Variants in TUSC3 observed in about 807,000 individuals in gnomAD.
TUSC3 encodes the protein tumor suppressor candidate 3, also known as dolichyl-diphosphooligosaccharide--protein glycosyltransferase subunit TUSC3.
In TUSC3, 45 loss-of-function variants were observed where a neutral mutation model predicts 44.8. The observed-to-expected ratio is 1.00, with a 90% CI of 0.79 to 1.29. TUSC3 has a LOEUF of 1.29. TUSC3 is among the 50% of genes most tolerant of loss of function. TUSC3 has a pLI of 0.00. For missense variants in TUSC3, 519 were observed against 437.9 expected, an observed-to-expected ratio of 1.19 and a Z score of -1.65; for synonymous variants, 212 against 152.9, an observed-to-expected ratio of 1.39 and a Z score of -2.85.
At chr8:15,684,206 G>A (rs1008279182) in intron 6 of TUSC3, among the ~76,000 whole-genome samples, 3 of 152,060 alleles carry the variant, frequency 2.0e-5, no homozygotes, top group Non-Finnish European at 2.9e-5. Context: ...TTGCCCCAGG[G>A]GTGGGTGGGG....
At chr8:15,608,815 T>C (rs964482258) in intron 1 of TUSC3, among the ~76,000 whole-genome samples, 3 of 152,214 alleles carry the variant, frequency 2.0e-5, no homozygotes, top group African/African-American at 7.2e-5. Flanking sequence ...ATTAAACCTC[T>C]TTCCTTTATA....
At chr8:15,814,290 T>C in the TUSC3 span, among the ~76,000 whole-genome samples, 1 of 152,266 alleles carries the variant, frequency 6.6e-6, no homozygotes, top group South Asian at 2.1e-4. Flanking sequence ...TAACAATATC[T>C]TTTTTCTAGA....
chr8:15,547,335 G>T (rs1396955578), intron 1 of TUSC3, among the ~76,000 whole-genome samples: 1 of 151,506 alleles, frequency 6.6e-6, no homozygotes, highest in African/African-American at 2.4e-5. Flanking sequence ...ATTTTGGTAC[G>T]GAGTTTTCTC....
chr8:15,783,559 A>G, the TUSC3 span, among the ~76,000 whole-genome samples: 1 of 152,174 alleles, frequency 6.6e-6, no homozygotes, highest in African/African-American at 2.4e-5. Flanking sequence ...CAGACTCTAG[A>G]AAAAAACCCA....
the TUSC3 span, among the ~76,000 whole-genome samples, chr8:15,823,551 G>T: frequency 2.0e-5 from 3 of 152,082 alleles, no homozygotes; most frequent in Non-Finnish European, 2.9e-5. Context: ...CCAAATAAAA[G>T]ATACCATAAT....
intron 2 of TUSC3, among the ~76,000 whole-genome samples, chr8:15,635,963 G>A (rs1039209590): frequency 6.6e-6 from 1 of 152,196 alleles, no homozygotes; most frequent in Non-Finnish European, 1.5e-5. Flanking sequence ...TCAAAAGATA[G>A]ATGTTTCAAA....
chr8:15,761,034 T>C (rs1288992864), intron 10 of TUSC3, among the ~76,000 whole-genome samples: 1 of 152,214 alleles, frequency 6.6e-6, no homozygotes, highest in Non-Finnish European at 1.5e-5. Flanking sequence ...TTCAGTCATT[T>C]CATTTTCTGC....
Position 15,659,664 on chromosome 8 carries a change from C to A in TUSC3, c.567+17C>A, listed in dbSNP as rs1329584243. ...GATGTTCATGTATGTTTTTATTCCT[C>A]ACAGTTTTAATAATAGGCTGGTTAG... On this transcript the variant is annotated intron_variant, in intron 4 of 10. Coordinates refer to ENST00000503731, the MANE Select transcript of TUSC3 (RefSeq NM_006765.4). 2 of 1,611,100 alleles carry A rather than the reference C, an allele frequency of 1.2e-6. No homozygotes were observed. Among genetic ancestry groups the A allele is most frequent in the South Asian group, 2.2e-5 (2 of 91,058 alleles).
intron 6 of TUSC3, among the ~76,000 whole-genome samples, chr8:15,693,175 G>A (rs1199631601): frequency 6.6e-6 from 1 of 152,276 alleles, no homozygotes; most frequent in East Asian, 1.9e-4. Context: ...ATACTGATAT[G>A]TATGGATTTG....
At chr8:15,636,716 G>C (rs150440163) in intron 2 of TUSC3, among the ~76,000 whole-genome samples, 3 of 152,190 alleles carry the variant, frequency 2.0e-5, no homozygotes, top group Non-Finnish European at 4.4e-5. Context: ...GAGGACACTG[G>C]TTTGTGGGCT....
chr8:15,834,462 T>A, the TUSC3 span, among the ~76,000 whole-genome samples: 1 of 152,146 alleles, frequency 6.6e-6, no homozygotes, highest in Non-Finnish European at 1.5e-5. Context: ...ATTTCTCAGT[T>A]AAGAACAATA....
chr8:15,660,340 T>A (rs1017076529), intron 4 of TUSC3, among the ~76,000 whole-genome samples: 64 of 152,022 alleles, frequency 4.2e-4, no homozygotes, highest in African/African-American at 1.5e-3. Context: ...CATTTCAAAG[T>A]AGGTTAGAAA....
At chr8:15,430,242 A>T (rs2129116709) in intron 1 of TUSC3, among the ~76,000 whole-genome samples, 1 of 146,252 alleles carries the variant, frequency 6.8e-6, no homozygotes, top group South Asian at 2.2e-4. Context: ...AAATACTGGC[A>T]AACGGAATCC....
At chr8:15,582,527 A>T (rs1040892463) in intron 1 of TUSC3, among the ~76,000 whole-genome samples, 1 of 152,252 alleles carries the variant, frequency 6.6e-6, no homozygotes, top group Non-Finnish European at 1.5e-5. Context: ...ATGGCAGTTA[A>T]AAATTAAAGC....
chr8:15,629,100 A>G (rs1164596102), intron 2 of TUSC3, among the ~76,000 whole-genome samples: 3 of 152,164 alleles, frequency 2.0e-5, no homozygotes, highest in Non-Finnish European at 4.4e-5. Context: ...GAAGTGTGAT[A>G]TACATGATTT....
chr8:15,515,259 A>G (rs1323235592), intron 2 of TUSC3, among the ~76,000 whole-genome samples: 2 of 152,170 alleles, frequency 1.3e-5, no homozygotes, highest in Non-Finnish European at 2.9e-5. Flanking sequence ...TAAAAAATGA[A>G]AAAATGAACA....
At chr8:15,754,698 T>G (rs947997426) in intron 9 of TUSC3, among the ~76,000 whole-genome samples, 6 of 152,194 alleles carry the variant, frequency 3.9e-5, no homozygotes, top group African/African-American at 1.4e-4. Context: ...GTTTTGCATT[T>G]TTGTGAATTA....
intron 5 of TUSC3, 102 bp from the exon 6 acceptor site, chr8:15,673,645 T>G: frequency 9.8e-7 from 1 of 1,019,988 alleles, no homozygotes; most frequent in Middle Eastern, 2.1e-4. Flanking sequence ...AGCTGATACA[T>G]GATTTTTAAA....
At chr8:15,509,972 G>T (rs1441432012) in intron 2 of TUSC3, among the ~76,000 whole-genome samples, 1 of 152,082 alleles carries the variant, frequency 6.6e-6, no homozygotes, top group Non-Finnish European at 1.5e-5. Context: ...GAGTTTGAGA[G>T]CAGCCTGAGC....
Sources: allele counts gnomAD v4.1 joint callset (sites outside exome capture counted in the v4.1 genomes callset), GRCh38; gene constraint gnomAD v4.1.1; transcripts MANE v1.5; gene names NCBI Gene and HGNC (gene_info 2026-07-23, HGNC 2026-07-21).